The following SCTR variants were observed in gnomAD, a reference collection of about 807,000 sequenced individuals.
SCTR encodes secretin receptor.
A neutral mutation model predicts 60.8 loss-of-function variants in SCTR; 56 were observed. The observed-to-expected ratio is 0.92, with a 90% CI of 0.74 to 1.15. The LOEUF is 1.15. Among genes scored for constraint, SCTR ranks in the 50% most tolerant of loss-of-function variants. The probability of loss-of-function intolerance (pLI) is 0.00; values close to 1 mark genes in which losing one functional copy is unlikely to be tolerated. For missense variants in SCTR, 562 were observed against 550.4 expected, an observed-to-expected ratio of 1.02 and a Z score of -0.21; for synonymous variants, 202 against 217.0, an observed-to-expected ratio of 0.93 and a Z score of 0.61.
chr2:119,516,226 A>G (rs1186429035), intron 1 of SCTR, among the ~76,000 whole-genome samples: 2 of 152,244 alleles, frequency 1.3e-5, no homozygotes, highest in Non-Finnish European at 2.9e-5. Flanking sequence ...TCATAAACCC[A>G]AAGGAAATGA....
chr2:119,481,198 A>G (rs1367950747), intron 2 of SCTR, among the ~76,000 whole-genome samples: 1 of 152,268 alleles, frequency 6.6e-6, no homozygotes, highest in Non-Finnish European at 1.5e-5. Context: ...GTGTGCAGAC[A>G]TTGCGGGAGT....
chr2:119,465,885 T>G lies in SCTR; in HGVS notation c.407A>C (p.His136Pro), dbSNP rs1243220889. 1.2e-6 allele frequency: 2 copies of G among 1,611,452 alleles called. No homozygotes were observed. ...NVNDSSNEKR[H>P]SYLLKLKVMY... ...GACTTTCAGCTTCAGCAGGTAGGAG[T>G]GCTGCAGAGAGAGGCACGTGTCAGC... The change falls in exon 5 of 13, where the codon CAC becomes CCC. Residue 136 changes from histidine to proline, a missense_variant and splice_region_variant. Physicochemically the swap from His to Pro is moderately conservative, Grantham distance 77 (BLOSUM62 -2). Coordinates refer to ENST00000019103, the MANE Select transcript of SCTR (RefSeq NM_002980.3).
chr2:119,514,808 G>A (rs537825270), intron 1 of SCTR, among the ~76,000 whole-genome samples: 5 of 152,202 alleles, frequency 3.3e-5, no homozygotes, highest in African/African-American at 9.6e-5. Flanking sequence ...AACCCGGGAG[G>A]CAGAGGTTGC....
chr2:119,475,221 A>G (rs1315276623), intron 3 of SCTR, among the ~76,000 whole-genome samples: 1 of 152,212 alleles, frequency 6.6e-6, no homozygotes, highest in Admixed American at 6.5e-5. Context: ...GTCAGATGGG[A>G]AACAACGGTG....
intron 7 of SCTR, among the ~76,000 whole-genome samples, chr2:119,459,817 T>C (rs188169970): frequency 6.6e-6 from 1 of 152,296 alleles, no homozygotes; most frequent in African/African-American, 2.4e-5. Flanking sequence ...TCAAAGAATG[T>C]TGAATAAATT....
intron 11 of SCTR, among the ~76,000 whole-genome samples, chr2:119,443,570 G>T (rs965651892): frequency 6.6e-6 from 1 of 151,226 alleles, no homozygotes; most frequent in African/African-American, 2.4e-5. Flanking sequence ...TTTTGGAGAC[G>T]GAGTCTCGCT....
At chr2:119,444,453 GT>G in intron 11 of SCTR, among the ~76,000 whole-genome samples, 2 of 106,192 alleles carry the variant, frequency 1.9e-5, no homozygotes, top group Non-Finnish European at 3.7e-5. Context: ...ATATACGTAC[GT>G]ATATATATAC....
At chr2:119,488,558 G>T (rs1677984425) in intron 2 of SCTR, among the ~76,000 whole-genome samples, 1 of 152,226 alleles carries the variant, frequency 6.6e-6, no homozygotes, top group Non-Finnish European at 1.5e-5. Context: ...GGTCAACCTG[G>T]AATTGAGACA....
intron 11 of SCTR, 125 bp from the exon 12 acceptor site, chr2:119,441,724 T>C: frequency 1.2e-6 from 1 of 811,238 alleles, no homozygotes; most frequent in Non-Finnish European, 2.1e-6. Flanking sequence ...CCCACCTCTC[T>C]TGCCTCACTG....
At chr2:119,505,526 A>G (rs1245425851) in intron 1 of SCTR, among the ~76,000 whole-genome samples, 2 of 152,160 alleles carry the variant, frequency 1.3e-5, no homozygotes, top group Non-Finnish European at 2.9e-5. Flanking sequence ...CTATGCAGCC[A>G]TAAAAAATGA....
At chr2:119,497,282 G>A (rs1678388455) in intron 1 of SCTR, among the ~76,000 whole-genome samples, 1 of 151,660 alleles carries the variant, frequency 6.6e-6, no homozygotes, top group African/African-American at 2.4e-5. Context: ...GGCAGAGTGG[G>A]AACGTTGGAC....
At position 119,448,827 on chromosome 2, in the gene SCTR, C is replaced by T; in HGVS notation, c.922-47G>A. 5.7e-6 allele frequency: 6 copies of T among 1,046,296 alleles called. No homozygotes were observed. In the East Asian group the frequency reaches 1.2e-4, roughly 21 times the overall value. The allele number at this position is 1,046,296 out of a possible 1,614,324, so 64.8% of individuals were successfully genotyped here. A position where few individuals can be genotyped will look rare whatever the true frequency, so the allele number is the denominator to read the frequency against. On this transcript the variant is annotated intron_variant, in intron 9 of 12. Coordinates refer to ENST00000019103, the MANE Select transcript of SCTR (RefSeq NM_002980.3). ...TGGGGCTGAAGGCATCTTGCTTTTC[C>T]AGCCACCTCTCCTGGCCCTGTCCCC...
At chr2:119,491,226 A>C (rs2587677) in intron 2 of SCTR, among the ~76,000 whole-genome samples, 132,469 of 152,190 alleles carry the variant, frequency 0.87, 57,869 homozygotes, top group African/African-American at 0.94. Context: ...TGCAGACGGT[A>C]ACACTCCTGG....
At chr2:119,454,320 C>T (rs1027366665) in intron 7 of SCTR, among the ~76,000 whole-genome samples, 1 of 152,166 alleles carries the variant, frequency 6.6e-6, no homozygotes, top group Non-Finnish European at 1.5e-5. Context: ...GCACTACCCT[C>T]ACCAGACTGA....
intron 9 of SCTR, among the ~76,000 whole-genome samples, chr2:119,449,256 A>G (rs1192639031): frequency 6.6e-6 from 1 of 152,104 alleles, no homozygotes; most frequent in Non-Finnish European, 1.5e-5. Flanking sequence ...GGGGCCCAAG[A>G]ATTATTTTTA....
At chr2:119,465,150 G>C (rs1250876864) in intron 5 of SCTR, among the ~76,000 whole-genome samples, 3 of 152,198 alleles carry the variant, frequency 2.0e-5, no homozygotes, top group African/African-American at 7.2e-5. Context: ...TCAGAGTTGG[G>C]CATGTGACCT....
intron 9 of SCTR, among the ~76,000 whole-genome samples, chr2:119,449,369 AC>A (rs1327599884): frequency 5.1e-4 from 77 of 152,168 alleles, no homozygotes; most frequent in African/African-American, 1.7e-3. Context: ...TTCCTGATTC[AC>A]CGTATTTAGG....
chr2:119,449,143 T>C (rs536352544), intron 9 of SCTR, among the ~76,000 whole-genome samples: 3 of 152,232 alleles, frequency 2.0e-5, no homozygotes, highest in East Asian at 1.9e-4. Flanking sequence ...TCCCAGGTAA[T>C]ACAATGCCAA....
chr2:119,464,350 G>A, intron 5 of SCTR, 95 bp from the exon 6 acceptor site: 1 of 1,231,040 alleles, frequency 8.1e-7, no homozygotes, highest in Non-Finnish European at 1.2e-6. Context: ...GGAAACTGAG[G>A]CCCTAGACTT....
Sources: allele counts gnomAD v4.1 joint callset (sites outside exome capture counted in the v4.1 genomes callset), GRCh38; gene constraint gnomAD v4.1.1; transcripts MANE v1.5; gene names NCBI Gene and HGNC (gene_info 2026-07-23, HGNC 2026-07-21).